CDH23: variants seen among roughly 807,000 people sequenced by gnomAD.
The protein encoded by CDH23 is cadherin-23.
In CDH23, 189 loss-of-function variants were observed where a neutral mutation model predicts 317.1. The observed-to-expected ratio is 0.60, with a 90% CI of 0.53 to 0.67. CDH23 has a LOEUF of 0.67. Among genes scored for constraint, CDH23 ranks in the 30% least tolerant of loss-of-function variants. CDH23 has a pLI of 0.00. For missense variants in CDH23, 4,401 were observed against 4,592.4 expected (o/e 0.96, Z 1.20); for synonymous variants, 1,839 against 1,876.8 (o/e 0.98, Z 0.52).
intron 3 of CDH23, among the ~76,000 whole-genome samples, chr10:71,491,923 A>G (rs1564613627): frequency 6.6e-6 from 1 of 152,158 alleles, no homozygotes; most frequent in Admixed American, 6.5e-5. Context: ...GAGCACACGC[A>G]GGTCCTGGTG....
chr10:71,627,896 C>A (rs1294080676), intron 11 of CDH23, among the ~76,000 whole-genome samples: 1 of 152,224 alleles, frequency 6.6e-6, no homozygotes, highest in Admixed American at 6.5e-5. Flanking sequence ...AGCTGGCAAA[C>A]TTTCTTCTCC....
chr10:71,533,550 CACACACACACACACACACACT>C (rs1855528447), intron 6 of CDH23, among the ~76,000 whole-genome samples: 3 of 151,432 alleles, frequency 2.0e-5, no homozygotes, highest in African/African-American at 7.3e-5. Flanking sequence ...CACACACACA[CACACACACACACACACACACT>C]GGCTGGGGCT....
chr10:71,605,253 A>T (rs10999912), intron 9 of CDH23, among the ~76,000 whole-genome samples: 7,733 of 135,672 alleles, frequency 0.057, 413 homozygotes, highest in East Asian at 0.35. Context: ...TTTTTTTTTT[A>T]AAAAAAAAAA....
At chr10:71,780,132 A>T (rs1840914355) in intron 41 of CDH23, among the ~76,000 whole-genome samples, 1 of 152,224 alleles carries the variant, frequency 6.6e-6, no homozygotes, top group African/African-American at 2.4e-5. Context: ...AAAGAAAAGC[A>T]GAAATCCAAA....
intron 11 of CDH23, among the ~76,000 whole-genome samples, chr10:71,640,937 G>GGA: frequency 6.6e-6 from 1 of 152,094 alleles, no homozygotes; most frequent in Admixed American, 6.6e-5. Flanking sequence ...TCTCATCCTT[G>GGA]GATACACTTT....
intron 38 of CDH23, chr10:71,747,846 C>T (rs1431197273): frequency 6.6e-6 from 1 of 152,260 alleles, no homozygotes; most frequent in South Asian, 2.1e-4. Flanking sequence ...TTCAGAATCC[C>T]TCTCAACACA....
intron 14 of CDH23, among the ~76,000 whole-genome samples, chr10:71,664,049 C>G (rs564770595): frequency 6.6e-6 from 1 of 151,798 alleles, no homozygotes; most frequent in East Asian, 1.9e-4. Context: ...GTGCCTTGCA[C>G]AGTGCCAGGT....
chr10:71,694,465 T>C (rs1378954681), intron 21 of CDH23, among the ~76,000 whole-genome samples: 1 of 152,068 alleles, frequency 6.6e-6, no homozygotes, highest in African/African-American at 2.4e-5. Context: ...ACCAGGAATG[T>C]AGGGGCACTT....
At chr10:71,426,581 G>T (rs766383792) in intron 1 of CDH23, among the ~76,000 whole-genome samples, 3 of 152,176 alleles carry the variant, frequency 2.0e-5, no homozygotes, top group Non-Finnish European at 2.9e-5. Flanking sequence ...AGTGGGGGCT[G>T]CGAGGAAGTA....
chr10:71,593,934 C>T (rs934842723), intron 9 of CDH23, among the ~76,000 whole-genome samples: 6 of 152,272 alleles, frequency 3.9e-5, no homozygotes, highest in East Asian at 1.9e-4. Context: ...GCCTGGGCAA[C>T]GGAGTAAGGC....
rs540428616 is a variant in CDH23, at chr10:71,739,759, A to G, written c.4475A>G (p.His1492Arg). 1.2e-6 allele frequency: 2 copies of G among 1,611,516 alleles called. No individual in the cohort carries two copies. Among genetic ancestry groups the G allele is most frequent in the Non-Finnish European group, 1.7e-6 (2 of 1,178,910 alleles). ...CCCCTGGACAGAGAAGAGCTGGATC[A>G]CTACATCCTCCAGGTGGGGCCTGGC... is the stretch of plus-strand genomic sequence containing the variant. ...ARPLDREELD[H>R]YILQVVASDR... is the part of the protein sequence containing the mutation. The change falls in exon 36 of 70, where the codon CAC becomes CGC. Residue 1492 changes from histidine to arginine, a missense_variant. By Grantham distance (29) the His-to-Arg change is conservative. This residue lies in a region of CDH23 where 3,068 missense variants were observed against 3,203.3 expected (regional missense o/e 0.96). Transcript: ENST00000224721.
intron 6 of CDH23, among the ~76,000 whole-genome samples, chr10:71,541,868 T>C (rs917790883): frequency 4.6e-5 from 7 of 152,236 alleles, no homozygotes; most frequent in African/African-American, 1.7e-4. Context: ...GAATTTTATA[T>C]AACTTTTACA....
chr10:71,668,441 G>T (rs916479592), intron 14 of CDH23, among the ~76,000 whole-genome samples: 9 of 152,198 alleles, frequency 5.9e-5, no homozygotes, highest in Non-Finnish European at 1.0e-4. Flanking sequence ...ACCAAAGGGA[G>T]GAGCAAGGGA....
At chr10:71,595,744 AC>A (rs1859797835) in intron 9 of CDH23, among the ~76,000 whole-genome samples, 1 of 151,896 alleles carries the variant, frequency 6.6e-6, no homozygotes, top group Admixed American at 6.6e-5. Flanking sequence ...CTCCCACTGT[AC>A]CCTGAGAACC....
intron 6 of CDH23, among the ~76,000 whole-genome samples, chr10:71,515,394 T>TCTCTCTCA (rs1491490493): frequency 2.6e-4 from 7 of 26,702 alleles, no homozygotes; most frequent in African/African-American, 5.9e-4. Context: ...TCTCTCTCTC[T>TCTCTCTCA]CACACACACA....
At position 71,709,118 on chromosome 10, in the gene CDH23, T is replaced by A; in HGVS notation, c.3127T>A (p.Phe1043Ile). The A allele has an allele frequency of 6.2e-7, 1 of 1,613,904 alleles. No homozygotes were observed. The stretch of plus-strand genomic sequence containing the variant: ...CACAGGTGGCAACGTGGATGGGAAG[T>A]TCAGCGTGGGTTACCGCGATGCCGT... The part of the protein sequence containing the change: ...FITGGNVDGK[F>I]SVGYRDAVVR... The change falls in exon 27 of 70, where the codon TTC (phenylalanine) becomes ATC (isoleucine). Residue 1043 changes from phenylalanine to isoleucine, a missense_variant. By Grantham distance (21) the Phe-to-Ile change is conservative. Around this residue, in one of 3 missense-constraint regions of CDH23, gnomAD observed 3,068 missense variants for 3,203.3 expected, o/e 0.96. Coordinates refer to ENST00000224721, the MANE Select transcript of CDH23 (RefSeq NM_022124.6).
chr10:71,403,371 C>CTTTCTTTCTTTCT (rs1564557953), intron 1 of CDH23, among the ~76,000 whole-genome samples: 1 of 111,148 alleles, frequency 9.0e-6, no homozygotes, highest in African/African-American at 4.7e-5. Context: ...TTCTTTCTTT[C>CTTTCTTTCTTTCT]TTTCTTTCTT....
chr10:71,785,605 G>A (rs1400396022), intron 43 of CDH23, 26 bp from the exon 44 acceptor site: 10 of 1,450,554 alleles, frequency 6.9e-6, no homozygotes, highest in Non-Finnish European at 9.5e-6. Flanking sequence ...AGGTCTCCAT[G>A]CAGCTCACCA....
rs771858198 is a variant in CDH23 at position 71,815,168 on chromosome 10, G to A, written c.9955G>A (p.Glu3319Lys). The change falls in exon 70 of 70, where the codon GAG becomes AAG. Residue 3319 changes from glutamate (E) to lysine (K), a missense_variant. Around this residue, in one of 3 missense-constraint regions of CDH23, gnomAD observed 1,144 missense variants for 1,138.2 expected, o/e 1.01. Coordinates refer to ENST00000224721, the MANE Select transcript of CDH23 (RefSeq NM_022124.6). ...CTCGCTGGAGACGCTGACCGCTGCC[G>A]AGGCCACTGCCTTCGAGCGCAACGC... ...GRSLETLTAAEATAFERNART... is the reference protein window; with the variant it reads ...GRSLETLTAAKATAFERNART... 5.1e-5 allele frequency: 82 copies of A among 1,611,520 alleles called. 1 individual carries two copies. The highest frequency in any genetic ancestry group is 1.4e-4 in the South Asian group (13 of 90,882).
Sources: allele counts gnomAD v4.1 joint callset (sites outside exome capture counted in the v4.1 genomes callset), GRCh38; gene constraint gnomAD v4.1.1; regional missense constraint gnomAD v4.1.1; transcripts MANE v1.5; gene names NCBI Gene and HGNC (gene_info 2026-07-23, HGNC 2026-07-21).